TRABD2B: variants seen among roughly 807,000 people sequenced by gnomAD.
The protein encoded by TRABD2B is metalloprotease TIKI2.
TRABD2B carries 14 observed loss-of-function variants against 40.1 expected under a neutral mutation model. The observed-to-expected ratio is 0.35, with a 90% confidence interval of 0.23 to 0.55. The LOEUF (loss-of-function observed/expected upper bound fraction) is 0.55. Among genes scored for constraint, TRABD2B ranks in the 20% least tolerant of loss-of-function variants. The pLI is 0.90. For synonymous variants in TRABD2B, 263 were observed against 277.0 expected, an observed-to-expected ratio of 0.95 and a Z score of 0.50; for missense variants, 541 against 648.6, an observed-to-expected ratio of 0.83 and a Z score of 1.80.
At chr1:47,903,909 G>T (rs1644639502) in intron 2 of TRABD2B, among the ~76,000 whole-genome samples, 1 of 152,316 alleles carries the variant, frequency 6.6e-6, no homozygotes, top group Middle Eastern at 3.4e-3. Context: ...GCCTGCTCCA[G>T]TTTGGTCAGA....
rs565524321 is a variant in TRABD2B at position 47,981,331 on chromosome 1, T to C, written c.666+12703A>G. Among the ~76,000 whole-genome samples, 19 of 152,294 alleles carry C rather than the reference T, an allele frequency of 1.2e-4. No homozygotes were observed. The East Asian group carries it at 1.5e-3, about 12-fold the overall frequency. ...ACCCGGCCACATTCTCTCTTTTCCT[T>C]AGATGCAGATAAGTCAAGAGAACAG... On this transcript the variant is annotated intron_variant, in intron 2 of 6. Coordinates refer to ENST00000606738, the MANE Select transcript of TRABD2B (RefSeq NM_001194986.2).
At chr1:47,801,736 G>A (rs1484690769) in intron 2 of TRABD2B, 117 bp from the exon 3 acceptor site, 3 of 1,290,648 alleles carry the variant, frequency 2.3e-6, no homozygotes, top group African/African-American at 3.0e-5. Context: ...GAGAAGGTGT[G>A]TGGGGCTGGC....
chr1:47,921,032 C>G (rs1269522736), intron 2 of TRABD2B, among the ~76,000 whole-genome samples: 1 of 152,196 alleles, frequency 6.6e-6, no homozygotes, highest in Non-Finnish European at 1.5e-5. Flanking sequence ...TTTAGAAACA[C>G]CTTTGAGGTT....
At chr1:47,788,437 G>A (rs1244124842) in intron 4 of TRABD2B, among the ~76,000 whole-genome samples, 1 of 152,150 alleles carries the variant, frequency 6.6e-6, no homozygotes, top group African/African-American at 2.4e-5. Context: ...CAAATGTGTG[G>A]GTGCCTGAGT....
chr1:47,808,915 G>T (rs1644926440), intron 2 of TRABD2B, among the ~76,000 whole-genome samples: 1 of 152,126 alleles, frequency 6.6e-6, no homozygotes, highest in African/African-American at 2.4e-5. Context: ...GGGGGTGTTA[G>T]AACTTTAGCT....
intron 2 of TRABD2B, among the ~76,000 whole-genome samples, chr1:47,967,173 CT>C: frequency 6.6e-6 from 1 of 152,248 alleles, no homozygotes; most frequent in African/African-American, 2.4e-5. Flanking sequence ...TTAGCAAGTT[CT>C]TCCTACTGAG....
At position 47,912,100 on chromosome 1, in the gene TRABD2B, G is replaced by A. The variant is rs546323114; in HGVS notation, c.666+81934C>T. On this transcript the variant is annotated intron_variant, in intron 2 of 6. Transcript: ENST00000606738. ...TGGAGGAGGGGGCTGAGGGAGGCAT[G>A]GGGATCAGAGGCCAGAGGTCAAATA... Among the ~76,000 whole-genome samples the A allele has an allele frequency of 2.6e-5, 4 of 152,330 alleles. No homozygotes were observed. The South Asian group carries it at 6.2e-4, about 24-fold the overall frequency.
chr1:47,863,365 T>C (rs1347649215), intron 2 of TRABD2B, among the ~76,000 whole-genome samples: 1 of 109,274 alleles, frequency 9.2e-6, no homozygotes, highest in Non-Finnish European at 1.8e-5. Flanking sequence ...ATATATCCTA[T>C]ATAATTTTAT....
chr1:47,940,701 T>C (rs898169458), intron 2 of TRABD2B, among the ~76,000 whole-genome samples: 2 of 152,182 alleles, frequency 1.3e-5, no homozygotes, highest in African/African-American at 2.4e-5. Context: ...GGACAGGACC[T>C]TGCCATCCAG....
chr1:47,879,604 T>C (rs1256398718), intron 2 of TRABD2B, among the ~76,000 whole-genome samples: 2 of 152,226 alleles, frequency 1.3e-5, no homozygotes, highest in Non-Finnish European at 2.9e-5. Context: ...CTGTGGAAAA[T>C]AGGTAAGAAA....
chr1:47,769,315 C>T (rs189873630), intron 6 of TRABD2B, among the ~76,000 whole-genome samples: 60 of 152,330 alleles, frequency 3.9e-4, no homozygotes, highest in African/African-American at 1.4e-3. Flanking sequence ...TGGTGTGCCC[C>T]TTGAGGTGCC....
chr1:47,944,391 G>C (rs1474981503), intron 2 of TRABD2B, among the ~76,000 whole-genome samples: 1 of 152,164 alleles, frequency 6.6e-6, no homozygotes, highest in Non-Finnish European at 1.5e-5. Flanking sequence ...TGGGAAAAAA[G>C]AAATAACCAT....
chr1:47,934,122 C>G (rs1645075052), intron 2 of TRABD2B, among the ~76,000 whole-genome samples: 1 of 152,236 alleles, frequency 6.6e-6, no homozygotes, highest in Non-Finnish European at 1.5e-5. Context: ...TACAATAATT[C>G]TGTGAGATGG....
chr1:47,790,447 C>A, intron 4 of TRABD2B, among the ~76,000 whole-genome samples: 1 of 152,198 alleles, frequency 6.6e-6, no homozygotes, highest in Admixed American at 6.5e-5. Flanking sequence ...TCAAGGTTGT[C>A]ACACATTTGC....
Position 47,909,948 on chromosome 1 carries a change from C to T in TRABD2B, c.666+84086G>A, listed in dbSNP as rs186585461. Among the ~76,000 whole-genome samples, 1,098 of 151,918 alleles carry T rather than the reference C, an allele frequency of 7.2e-3. 19 individuals carry two copies. The highest frequency in any genetic ancestry group is 0.026 in the African/African-American group (1,063 of 41,376). On this transcript the variant is annotated intron_variant, in intron 2 of 6. Coordinates refer to ENST00000606738, the MANE Select transcript of TRABD2B (RefSeq NM_001194986.2). ...AATCATGGCTCACTGCAACCTCCAC[C>T]TTGTGGGCTCAAGCAATCCTCCCAC...
chr1:47,810,830 G>A (rs757720407), intron 2 of TRABD2B, among the ~76,000 whole-genome samples: 1 of 152,228 alleles, frequency 6.6e-6, no homozygotes, highest in Non-Finnish European at 1.5e-5. Flanking sequence ...CACAACTATG[G>A]CTGAGCATGG....
intron 2 of TRABD2B, among the ~76,000 whole-genome samples, chr1:47,921,715 T>C (rs1257979281): frequency 6.6e-6 from 1 of 152,206 alleles, no homozygotes; most frequent in African/African-American, 2.4e-5. Flanking sequence ...ACTATGGATG[T>C]GTGCTATGTG....
At chr1:47,781,185 G>A (rs1211147012) in intron 4 of TRABD2B, among the ~76,000 whole-genome samples, 5 of 152,150 alleles carry the variant, frequency 3.3e-5, no homozygotes, top group Non-Finnish European at 7.3e-5. Context: ...CTCTGCAAGC[G>A]GCTCTTGGAC....
chr1:47,792,433 G>A (rs533998894), intron 4 of TRABD2B, among the ~76,000 whole-genome samples: 1 of 152,360 alleles, frequency 6.6e-6, no homozygotes, highest in African/African-American at 2.4e-5. Flanking sequence ...GAGGCAGGGA[G>A]GAGGGGAGGA....
Sources: gnomAD v4.1 joint callset for allele counts (sites outside exome capture counted in the v4.1 genomes callset) on GRCh38, gnomAD v4.1.1 for gene constraint, MANE v1.5 for transcripts, NCBI Gene and HGNC (gene_info 2026-07-23, HGNC 2026-07-21) for gene names.